Variants in CBARP observed in about 807,000 individuals in gnomAD.
The protein encoded by CBARP is voltage-dependent calcium channel beta subunit-associated regulatory protein.
In CBARP, 24 loss-of-function variants were observed where a neutral mutation model predicts 36.3. The ratio of observed to expected loss-of-function variants is 0.66; its 90% CI spans 0.48 to 0.93. The LOEUF (loss-of-function observed/expected upper bound fraction) is 0.93, where lower values mean the gene tolerates loss of function less well. Among genes scored for constraint, CBARP ranks in the 40% least tolerant of loss-of-function variants. CBARP has a pLI of 0.00. For synonymous variants in CBARP, 586 were observed against 453.2 expected, an observed-to-expected ratio of 1.29 and a Z score of -3.72; for missense variants, 1,146 against 980.4, an observed-to-expected ratio of 1.17 and a Z score of -2.26.
chr19:1,230,605 G>GC lies in CBARP; in HGVS notation c.1155-464dup, dbSNP rs1234023769. 130 of 1,206,030 alleles carry GC rather than the reference G, an allele frequency of 1.1e-4. No individual in the cohort carries two copies. The East Asian group carries it at 4.7e-3, about 44-fold the overall frequency. 74.7% of individuals were successfully genotyped at this position (1,206,030 alleles called of 1,614,324 possible). A position where few individuals can be genotyped will look rare whatever the true frequency, so the allele number is the denominator to read the frequency against. On this transcript the variant is annotated intron_variant, in intron 9 of 9. Transcript: ENST00000650044. ...GAGGGTCACCCGCCATACCAGGGCT[G>GC]CCCCAGGAACCCTGCTCTGCCCCAG...
chr19:1,231,166 C>G lies in CBARP; in HGVS notation c.1089G>C (p.Ala363=). ...GGTGCGGGAAGGCCACGGCGTCGCC[C>G]GCCCGGGCAATGTACTGGATGAAGT... ...QEDFIQYIAR[A]GDAVAFPHPR... Residue 363 remains alanine, a synonymous_variant, in exon 9 of 10, where the codon GCG becomes GCC. Coordinates refer to ENST00000650044, the MANE Select transcript of CBARP (RefSeq NM_001393918.1). 2 of 1,600,702 alleles carry G rather than the reference C, an allele frequency of 1.2e-6. No individual in the cohort carries two copies. The highest frequency in any genetic ancestry group is 1.7e-4 in the Middle Eastern group (1 of 6,030).
In CBARP at chr19:1,233,510, T is replaced by G; in HGVS notation, c.895A>C (p.Ser299Arg). ...QFLTRLRRHASLDGASPYFKV... is the reference protein window; with the variant it reads ...QFLTRLRRHARLDGASPYFKV... ...AAATAGGGGCTGGCCCCATCCAGGC[T>G]GGCATGGCGGCGCAGGCGGGTGAGG... Residue 299 changes from serine (S) to arginine (R), a missense_variant, in exon 8 of 10, where the codon AGC (serine) becomes CGC (arginine). By Grantham distance (110) the Ser-to-Arg change is moderately radical (BLOSUM62 -1). Transcript: ENST00000650044. 6.2e-7 allele frequency: 1 copy of G among 1,608,536 alleles called. No homozygotes were observed. The highest frequency in any genetic ancestry group is 1.3e-5 in the African/African-American group (1 of 75,030).
Position 1,236,221 on chromosome 19 carries a change from CAG to C in CBARP, c.-21-102_-21-101del, listed in dbSNP as rs573838187. 4.6e-4 allele frequency: 617 copies of C among 1,329,868 alleles called. 2 individuals carry two copies. Among genetic ancestry groups the C allele is most frequent in the African/African-American group, 4.6e-3 (300 of 65,632 alleles). 82.4% of individuals were successfully genotyped at this position (1,329,868 alleles called of 1,614,324 possible). ...TTCCCTGCAGGAGCAGGAGCCCACA[CAG>C]GGGGCAGTGACTCATGGAGAGGTAG... On this transcript the variant is annotated intron_variant, in intron 1 of 9. Coordinates refer to ENST00000650044, the MANE Select transcript of CBARP (RefSeq NM_001393918.1).
Position 1,234,336 on chromosome 19 carries a change from G to A in CBARP, c.628-5C>T, listed in dbSNP as rs1276904107. The A allele has an allele frequency of 1.4e-6, 2 of 1,442,552 alleles. No homozygotes were observed. Among genetic ancestry groups the A allele is most frequent in the Non-Finnish European group, 1.8e-6 (2 of 1,095,952 alleles). The allele number at this position is 1,442,552 out of a possible 1,614,324, so 89.4% of individuals were successfully genotyped here. A position where few individuals can be genotyped will look rare whatever the true frequency, so the allele number is the denominator to read the frequency against. On this transcript the variant is annotated splice_region_variant and splice_polypyrimidine_tract_variant and intron_variant, in intron 6 of 9. Coordinates refer to ENST00000650044, the MANE Select transcript of CBARP (RefSeq NM_001393918.1). ...GGTGAGGGCCTTCCCCGGGGGCTGT[G>A]GGACAGAGCCAGGTGGGGGAGGAAG...
In CBARP at chr19:1,235,003, G is replaced by A. The variant is rs756134435; in HGVS notation, c.453C>T (p.Arg151=). ...CCTCCCAACGCCGCCCCGCTTACCG[G>A]CGACCCTTGTCCTGCGTCTTGCGGC... is the stretch of plus-strand genomic sequence containing the variant. ...EQSRKTQDKG[R]RYTLTEGDFH... is the part of the protein sequence containing the mutation. Residue 151 remains arginine, a splice_region_variant and synonymous_variant, in exon 5 of 10, where the codon CGC becomes CGT. Transcript: ENST00000650044. 1.2e-6 allele frequency: 2 copies of A among 1,601,200 alleles called. No homozygotes were observed. The highest frequency in any genetic ancestry group is 2.2e-5 in the South Asian group (2 of 90,808).
Position 1,231,124 on chromosome 19 carries a change from G to A in CBARP, c.1131C>T (p.Ala377=), listed in dbSNP as rs1181344985. Residue 377 remains alanine, a synonymous_variant, in exon 9 of 10, where the codon GCC becomes GCT. Transcript: ENST00000650044. Reference sequence around the variant, plus strand: ...ACCTGCCGAGAGCAGGGGGCGGGCTGGCCAGAAAGGGGCGGGGGTGCGGGA... The same window carrying A: ...ACCTGCCGAGAGCAGGGGGCGGGCTAGCCAGAAAGGGGCGGGGGTGCGGGA... ...VAFPHPRPFL[A]SPPPALGRLE... The A allele has an allele frequency of 6.3e-7, 1 of 1,599,618 alleles. No homozygotes were observed. Among genetic ancestry groups the A allele is most frequent in the Non-Finnish European group, 8.5e-7 (1 of 1,172,510 alleles).
intron 4 of CBARP, 79 bp downstream of exon 4, chr19:1,235,422 C>T (rs973347817): frequency 2.3e-5 from 32 of 1,412,018 alleles, no homozygotes; most frequent in Non-Finnish European, 3.0e-5. Flanking sequence ...CACAGACGGT[C>T]AGGCAGCCCG....
At position 1,229,368 on chromosome 19, in the gene CBARP, G is replaced by C; in HGVS notation, c.1929C>G (p.Ile643Met). 4.3e-6 allele frequency: 5 copies of C among 1,166,962 alleles called. No homozygotes were observed. The highest frequency in any genetic ancestry group is 1.5e-5 in the South Asian group (1 of 66,756). The allele number at this position is 1,166,962 out of a possible 1,614,324, so 72.3% of individuals were successfully genotyped here. The change falls in exon 10 of 10, where the codon ATC (isoleucine) becomes ATG (methionine). Residue 643 changes from isoleucine to methionine, a missense_variant. Physicochemically the swap from Ile to Met is conservative, Grantham distance 10. Transcript: ENST00000650044. The surrounding 1 kb of genome is among the most constrained non-coding windows in gnomAD (Gnocchi z 5.1). ...ACCCCCCGCCGCCCGGCTCCTCCTC[G>C]ATGACGGGGATGGCGGGGTCGTCGC... is the stretch of plus-strand genomic sequence containing the variant. Reference protein sequence around the residue: ...GAGDDPAIPVIEEEPGGGGCP... With the variant: ...GAGDDPAIPVMEEEPGGGGCP...
rs771999794 is a variant in CBARP, at chr19:1,234,727, C to T, written c.471G>A (p.Glu157=). 5 of 1,612,926 alleles carry T rather than the reference C, an allele frequency of 3.1e-6. No homozygotes were observed. Among genetic ancestry groups the T allele is most frequent in the South Asian group, 1.1e-5 (1 of 90,864 alleles). ...CATTCTTCAGGTGGTGGAAGTCCCC[C>T]TCCGTCAGTGTGTACCTGCGACAGC... ...QDKGRRYTLT[E]GDFHHLKNAR... is the part of the protein sequence containing the mutation. Residue 157 remains glutamate (E), a synonymous_variant, in exon 6 of 10, where the codon GAG becomes GAA. Coordinates refer to ENST00000650044, the MANE Select transcript of CBARP (RefSeq NM_001393918.1).
At chr19:1,230,821 G>T in intron 9 of CBARP, 1 of 1,469,508 alleles carries the variant, frequency 6.8e-7, no homozygotes, top group Non-Finnish European at 9.0e-7. Flanking sequence ...TTCAGGCCTC[G>T]GACTCCACCA....
chr19:1,236,519 T>C (rs2080975942), intron 1 of CBARP, among the ~76,000 whole-genome samples: 1 of 151,746 alleles, frequency 6.6e-6, no homozygotes, highest in African/African-American at 2.4e-5. Context: ...AGACGCCCTG[T>C]CCGCCCCATC....
chr19:1,236,178 C>T, intron 1 of CBARP, 57 bp from the exon 2 acceptor site: 2 of 1,363,200 alleles, frequency 1.5e-6, no homozygotes, highest in East Asian at 3.0e-5. Flanking sequence ...GCAGGAGCCA[C>T]TGCAGACAAG....
Position 1,235,542 on chromosome 19 carries a change from G to T in CBARP, c.269C>A (p.Thr90Asn), listed in dbSNP as rs1327052648. ...GCCGTTGTCCAGGTAGGTGGTGGTG[G>T]TCTTCTCCGCTTCCTCCATGGCCCT... ...LNRAMEEAEK[T>N]TTTYLDNGTH... The change falls in exon 4 of 10, where the codon ACC becomes AAC. Residue 90 changes from threonine (T) to asparagine (N), a missense_variant. Transcript: ENST00000650044. 1.9e-6 allele frequency: 3 copies of T among 1,607,002 alleles called. No individual in the cohort carries two copies. The highest frequency in any genetic ancestry group is 2.5e-6 in the Non-Finnish European group (3 of 1,177,364).
chr19:1,235,440 G>T, intron 4 of CBARP, 61 bp downstream of exon 4: 1 of 1,485,422 alleles, frequency 6.7e-7, no homozygotes, highest in Non-Finnish European at 9.0e-7. Flanking sequence ...CCGAGGGGGC[G>T]GCGGGTGGCC....
At chr19:1,236,846 C>T (rs890368665) in intron 1 of CBARP, among the ~76,000 whole-genome samples, 2 of 69,274 alleles carry the variant, frequency 2.9e-5, no homozygotes, top group Non-Finnish European at 2.8e-5. Context: ...GCGGGGGCGG[C>T]GGCCTGGGGG....
At chr19:1,237,309 A>G (rs930083201) in intron 1 of CBARP, among the ~76,000 whole-genome samples, 10 of 152,026 alleles carry the variant, frequency 6.6e-5, no homozygotes, top group African/African-American at 1.9e-4. Context: ...AGGTCGGGAA[A>G]TGAGTTCAGG....
intron 6 of CBARP, 81 bp downstream of exon 6, chr19:1,234,490 G>A: frequency 6.8e-7 from 1 of 1,461,822 alleles, no homozygotes; most frequent in Non-Finnish European, 9.1e-7. Flanking sequence ...GAAAAAGAGT[G>A]GGTGAGGGCG....
chr19:1,230,341 G>A, intron 9 of CBARP, 199 bp from the exon 10 acceptor site: 1 of 986,590 alleles, frequency 1.0e-6, no homozygotes, highest in Non-Finnish European at 1.2e-6. Flanking sequence ...TGTGGCGCCT[G>A]CTTATTAAGC....
intron 9 of CBARP, 64 bp downstream of exon 9, chr19:1,231,037 G>T (rs549881842): frequency 1.1e-4 from 164 of 1,555,504 alleles, no homozygotes; most frequent in South Asian, 1.0e-3. Flanking sequence ...GCCGCCTAGG[G>T]GGGGGCGAAG....
Sources: gnomAD v4.1 joint callset for allele counts (sites outside exome capture counted in the v4.1 genomes callset) on GRCh38, gnomAD v4.1.1 for gene constraint, Gnocchi (gnomAD v3.1) non-coding constraint, MANE v1.5 for transcripts, NCBI Gene and HGNC (gene_info 2026-07-23, HGNC 2026-07-21) for gene names.